SPOCK3: variants seen among roughly 807,000 people sequenced by gnomAD.
SPOCK3 encodes the protein testican-3.
Under a neutral mutation model 56.6 loss-of-function variants are expected in SPOCK3, and 30 were observed. The ratio of observed to expected loss-of-function variants is 0.53; its 90% CI spans 0.40 to 0.72. The LOEUF (loss-of-function observed/expected upper bound fraction) is 0.72. Ranked by LOEUF, SPOCK3 falls within the 30% of genes least tolerant of loss-of-function variation. SPOCK3 has a pLI of 0.00. For synonymous variants in SPOCK3, 196 were observed against 183.3 expected (o/e 1.07, Z -0.56); for missense variants, 527 against 530.0 (o/e 0.99, Z 0.06).
At chr4:166,956,222 C>T (rs914422527) in intron 4 of SPOCK3, among the ~76,000 whole-genome samples, 10 of 149,780 alleles carry the variant, frequency 6.7e-5, no homozygotes, top group Admixed American at 6.7e-5. Context: ...CACACACATA[C>T]ACACACACAC....
chr4:166,858,008 A>G (rs1282664589), intron 6 of SPOCK3, among the ~76,000 whole-genome samples: 1 of 152,242 alleles, frequency 6.6e-6, no homozygotes, highest in African/African-American at 2.4e-5. Flanking sequence ...TTTGAATTCT[A>G]ACATTAACAA....
chr4:166,983,977 G>A (rs937590340), intron 4 of SPOCK3, among the ~76,000 whole-genome samples: 4 of 151,730 alleles, frequency 2.6e-5, no homozygotes, highest in Admixed American at 6.6e-5. Context: ...CATGCATCAC[G>A]GAAATACTTG....
In SPOCK3 at chr4:166,941,878, GAC is replaced by G. The variant is rs559260939; in HGVS notation, c.351-29137_351-29136del. Among the ~76,000 whole-genome samples the G allele has an allele frequency of 5.9e-4, 90 of 152,246 alleles. 3 individuals carry two copies. The South Asian group carries it at 0.018, about 30-fold the overall frequency. On this transcript the variant is annotated intron_variant, in intron 4 of 10. Transcript: ENST00000357545. ...ATTCAGCCCCAGGCAGTCTTGAAATGACTCCAGCCTAGCCAAAGCTTGAAGAC... is the reference window on the plus strand; with the variant it reads ...ATTCAGCCCCAGGCAGTCTTGAAATGTCCAGCCTAGCCAAAGCTTGAAGAC...
chr4:167,065,659 G>T (rs1756054544), intron 2 of SPOCK3, among the ~76,000 whole-genome samples: 1 of 151,640 alleles, frequency 6.6e-6, no homozygotes, highest in Admixed American at 6.6e-5. Flanking sequence ...CACTAGACTT[G>T]TTTTCTTTAA....
At chr4:166,772,666 T>C (rs1014904981) in intron 7 of SPOCK3, among the ~76,000 whole-genome samples, 3 of 152,214 alleles carry the variant, frequency 2.0e-5, no homozygotes, top group African/African-American at 7.2e-5. Context: ...GTCTGAATAT[T>C]ACTTGAAATG....
At chr4:167,132,269 CTT>C (rs1209674704) in intron 2 of SPOCK3, among the ~76,000 whole-genome samples, 1 of 152,144 alleles carries the variant, frequency 6.6e-6, no homozygotes, top group Non-Finnish European at 1.5e-5. Flanking sequence ...ACAGTCAACT[CTT>C]TTTAATGCTA....
chr4:167,058,758 A>G lies in SPOCK3; in HGVS notation c.235+3734T>C, dbSNP rs376761952. Among the ~76,000 whole-genome samples, 10 of 152,322 alleles carry G rather than the reference A, an allele frequency of 6.6e-5. No individual in the cohort carries two copies. The South Asian group carries it at 2.1e-3, about 32-fold the overall frequency. On this transcript the variant is annotated intron_variant, in intron 3 of 10. Transcript: ENST00000357545. ...CTACCTGACTTCAAACTATACTACA[A>G]GGCTACAGTAACCAAAACAGCATGG...
At chr4:167,045,249 C>T (rs1753610053) in intron 3 of SPOCK3, among the ~76,000 whole-genome samples, 1 of 152,026 alleles carries the variant, frequency 6.6e-6, no homozygotes, top group African/African-American at 2.4e-5. Context: ...GTATATCTTT[C>T]TCTATCCATT....
At chr4:167,066,457 G>A (rs1180438064) in intron 2 of SPOCK3, among the ~76,000 whole-genome samples, 1 of 151,610 alleles carries the variant, frequency 6.6e-6, no homozygotes, top group Non-Finnish European at 1.5e-5. Flanking sequence ...TAGAGTTGTT[G>A]GTAAATAAAG....
intron 6 of SPOCK3, among the ~76,000 whole-genome samples, chr4:166,806,746 A>C (rs187085680): frequency 7.0e-4 from 106 of 152,110 alleles, no homozygotes; most frequent in African/African-American, 2.5e-3. Flanking sequence ...CCCTATAATT[A>C]TGGTTCAAAT....
intron 3 of SPOCK3, among the ~76,000 whole-genome samples, chr4:167,041,166 C>T (rs1206679240): frequency 3.9e-5 from 6 of 152,100 alleles, no homozygotes; most frequent in Admixed American, 1.3e-4. Flanking sequence ...ATTATTTTTC[C>T]TCATTGAATA....
At chr4:166,745,315 G>A (rs1217197797) in intron 8 of SPOCK3, among the ~76,000 whole-genome samples, 1 of 152,206 alleles carries the variant, frequency 6.6e-6, no homozygotes, top group Non-Finnish European at 1.5e-5. Context: ...TGAGCCAGAA[G>A]AGAGTGGGGG....
At chr4:166,821,215 T>A (rs2126761545) in intron 6 of SPOCK3, among the ~76,000 whole-genome samples, 1 of 152,226 alleles carries the variant, frequency 6.6e-6, no homozygotes, top group Non-Finnish European at 1.5e-5. Flanking sequence ...CATGGAAAGA[T>A]GCTCAACATC....
chr4:167,177,654 G>A (rs1731103037), intron 2 of SPOCK3, among the ~76,000 whole-genome samples: 1 of 152,074 alleles, frequency 6.6e-6, no homozygotes, highest in Non-Finnish European at 1.5e-5. Context: ...TCTAAATGGA[G>A]GGCAGACTAT....
At chr4:166,992,158 G>A (rs1167875662) in intron 4 of SPOCK3, among the ~76,000 whole-genome samples, 1 of 152,048 alleles carries the variant, frequency 6.6e-6, no homozygotes, top group Admixed American at 6.6e-5. Context: ...GGAGGTAAGT[G>A]TGTTTGTGTA....
intron 3 of SPOCK3, among the ~76,000 whole-genome samples, chr4:167,028,966 GGTTT>G (rs1343207850): frequency 6.6e-6 from 1 of 151,944 alleles, no homozygotes; most frequent in Non-Finnish European, 1.5e-5. Flanking sequence ...AGGATGTGCA[GGTTT>G]GTTATATAGG....
chr4:167,165,673 A>G (rs1765697189), intron 2 of SPOCK3, among the ~76,000 whole-genome samples: 1 of 152,084 alleles, frequency 6.6e-6, no homozygotes, highest in Non-Finnish European at 1.5e-5. Context: ...ATATACATAA[A>G]CCAAAAATAT....
intron 2 of SPOCK3, among the ~76,000 whole-genome samples, chr4:167,184,446 A>G (rs1172855686): frequency 6.6e-6 from 1 of 152,166 alleles, no homozygotes. Context: ...AAGATTTAGT[A>G]GGAGATAACA....
intron 5 of SPOCK3, among the ~76,000 whole-genome samples, chr4:166,911,524 AAT>A (rs1172382270): frequency 6.6e-6 from 1 of 151,954 alleles, no homozygotes; most frequent in African/African-American, 2.4e-5. Flanking sequence ...AAAATGTATT[AAT>A]ATGTTTTTGT....
Sources: allele counts gnomAD v4.1 joint callset (sites outside exome capture counted in the v4.1 genomes callset), GRCh38; gene constraint gnomAD v4.1.1; transcripts MANE v1.5; gene names NCBI Gene and HGNC (gene_info 2026-07-23, HGNC 2026-07-21).